DOCK1: variants seen among roughly 807,000 people sequenced by gnomAD.
The protein encoded by DOCK1 is dedicator of cytokinesis 1, also known as dedicator of cytokinesis protein 1.
DOCK1 carries 138 observed loss-of-function variants against 262.7 expected under a neutral mutation model. The ratio of observed to expected loss-of-function variants is 0.53; its 90% CI spans 0.46 to 0.61. The LOEUF (loss-of-function observed/expected upper bound fraction) is 0.61. Among genes scored for constraint, DOCK1 ranks in the 20% least tolerant of loss-of-function variants. The pLI, the probability that DOCK1 is intolerant of heterozygous loss-of-function variation, is 0.00. For synonymous variants in DOCK1, 866 were observed against 867.4 expected (o/e 1.00, Z 0.03); for missense variants, 1,908 against 2,370.7 (o/e 0.80, Z 4.05).
chr10:127,292,382 CCT>C (rs1433758773), intron 29 of DOCK1, among the ~76,000 whole-genome samples: 2 of 152,100 alleles, frequency 1.3e-5, no homozygotes, highest in Admixed American at 1.3e-4. Flanking sequence ...CCACTGGCCA[CCT>C]CTGCTGCAAA....
chr10:127,034,652 G>A lies in DOCK1; in HGVS notation c.1912+2332G>A, dbSNP rs74161529. On this transcript the variant is annotated intron_variant, in intron 18 of 51. Coordinates refer to ENST00000623213, the MANE Select transcript of DOCK1 (RefSeq NM_001290223.2). Reference sequence around the variant, plus strand: ...TTTAACCCAAAGGTGACATCTCCAGGTGGGCCACACTTTAGCATTTCAGTA... The same window carrying A: ...TTTAACCCAAAGGTGACATCTCCAGATGGGCCACACTTTAGCATTTCAGTA... Among the ~76,000 whole-genome samples the A allele has an allele frequency of 7.7e-3, 1,169 of 152,270 alleles. 21 individuals carry two copies. The highest frequency in any genetic ancestry group is 0.026 in the African/African-American group (1,090 of 41,560).
intron 31 of DOCK1, among the ~76,000 whole-genome samples, chr10:127,348,689 G>A (rs919201481): frequency 6.6e-6 from 1 of 152,142 alleles, no homozygotes; most frequent in Non-Finnish European, 1.5e-5. Flanking sequence ...GAAGTCTGCA[G>A]TGTTCTAAGA....
intron 35 of DOCK1, among the ~76,000 whole-genome samples, chr10:127,379,769 A>G (rs1449781345): frequency 6.6e-6 from 1 of 152,214 alleles, no homozygotes; most frequent in Non-Finnish European, 1.5e-5. Flanking sequence ...TATGGCTAAG[A>G]TATCATGTCT....
intron 27 of DOCK1, among the ~76,000 whole-genome samples, chr10:127,147,852 G>A (rs187371263): frequency 1.3e-4 from 20 of 151,730 alleles, no homozygotes; most frequent in Admixed American, 4.6e-4. Flanking sequence ...CCAATATGGT[G>A]AAACCCCATC....
chr10:127,447,320 C>T (rs184492150), intron 50 of DOCK1, 74 bp from the exon 51 acceptor site: 57 of 1,552,490 alleles, frequency 3.7e-5, no homozygotes, highest in Middle Eastern at 1.7e-4. Flanking sequence ...TGGGAGGGAA[C>T]GTGGAGCAGC....
At chr10:126,931,149 C>T (rs1198079200) in intron 1 of DOCK1, among the ~76,000 whole-genome samples, 1 of 151,972 alleles carries the variant, frequency 6.6e-6, no homozygotes, top group Admixed American at 6.6e-5. Context: ...AAGATCTGGG[C>T]AGTATAATCC....
At chr10:127,102,647 C>A (rs535405852) in intron 23 of DOCK1, among the ~76,000 whole-genome samples, 40 of 152,302 alleles carry the variant, frequency 2.6e-4, no homozygotes, top group African/African-American at 9.4e-4. Context: ...GTTGACCAGC[C>A]TGGCCAACAT....
intron 27 of DOCK1, among the ~76,000 whole-genome samples, chr10:127,220,706 C>G (rs575516456): frequency 1.1e-3 from 165 of 152,000 alleles, no homozygotes; most frequent in Middle Eastern, 3.4e-3. Flanking sequence ...GTGGAGATTA[C>G]AAGAATTACA....
chr10:127,329,294 C>T (rs879798057), intron 29 of DOCK1, among the ~76,000 whole-genome samples: 22 of 152,304 alleles, frequency 1.4e-4, no homozygotes, highest in Middle Eastern at 3.4e-3. Context: ...CCATGGCTGT[C>T]CTTCACTCAC....
intron 1 of DOCK1, among the ~76,000 whole-genome samples, chr10:126,918,082 A>G (rs2032716621): frequency 6.6e-6 from 1 of 152,152 alleles, no homozygotes; most frequent in Non-Finnish European, 1.5e-5. Flanking sequence ...GGTCCCTGTG[A>G]ATATTAAGTG....
intron 28 of DOCK1, among the ~76,000 whole-genome samples, chr10:127,250,791 C>CAAAAAAAAA (rs1180814401): frequency 1.7e-4 from 11 of 64,068 alleles, no homozygotes; most frequent in African/African-American, 2.1e-4. Flanking sequence ...GACTCCGTCT[C>CAAAAAAAAA]AAAAAAAAAA....
At chr10:127,037,285 G>A (rs929491982) in intron 18 of DOCK1, among the ~76,000 whole-genome samples, 1 of 152,028 alleles carries the variant, frequency 6.6e-6, no homozygotes, top group African/African-American at 2.4e-5. Context: ...TTTAATTTGT[G>A]TTAGTTATTT....
intron 1 of DOCK1, among the ~76,000 whole-genome samples, chr10:126,915,084 T>C (rs181745423): frequency 7.9e-5 from 12 of 152,274 alleles, no homozygotes; most frequent in African/African-American, 2.6e-4. Context: ...GTAATCTGAC[T>C]GTGTGCCTCG....
chr10:127,417,579 G>A (rs1464716555), intron 44 of DOCK1, among the ~76,000 whole-genome samples: 1 of 152,108 alleles, frequency 6.6e-6, no homozygotes, highest in African/African-American at 2.4e-5. Flanking sequence ...AGCTCTCTTT[G>A]TTGTTGTTTG....
chr10:127,148,444 A>G (rs966748356), intron 27 of DOCK1, among the ~76,000 whole-genome samples: 8 of 152,216 alleles, frequency 5.3e-5, no homozygotes, highest in African/African-American at 1.9e-4. Context: ...TTCATCTCCA[A>G]AAGCCCTTGG....
intron 27 of DOCK1, among the ~76,000 whole-genome samples, chr10:127,183,829 T>G (rs1281676560): frequency 6.6e-6 from 1 of 152,224 alleles, no homozygotes; most frequent in Non-Finnish European, 1.5e-5. Flanking sequence ...AAAATCTACC[T>G]CTTATCAATC....
At position 127,043,153 on chromosome 10, in the gene DOCK1, G is replaced by C. The variant is rs781005154; in HGVS notation, c.2190G>C (p.Thr730=). Residue 730 remains threonine (T), a synonymous_variant, in exon 21 of 52, where the codon ACG becomes ACC. Coordinates refer to ENST00000623213, the MANE Select transcript of DOCK1 (RefSeq NM_001290223.2). ...ACATTAAGAAACACTTTAGTGCAAC[G>C]TTAGCCTACACGTAAGTTCCTACTT... ...ETYIKKHFSA[T]LAYTKLTKVL... 6.2e-7 allele frequency: 1 copy of C among 1,607,530 alleles called. No individual in the cohort carries two copies. Among genetic ancestry groups the C allele is most frequent in the Non-Finnish European group, 8.5e-7 (1 of 1,176,668 alleles).
rs60174093 is a variant in DOCK1, at chr10:127,361,280, AT to A, written c.3284-777del. 7.4e-3 allele frequency among the ~76,000 whole-genome samples: 1,120 copies of A among 151,520 alleles called. 14 individuals are homozygous for A. Among genetic ancestry groups the A allele is most frequent in the African/African-American group, 0.026 (1,068 of 41,292 alleles). ...AGGCGCCCGCTACCACGCCCAGCTGATTTTTTTGTATTTTTAGTAGAGACGG... is the reference window on the plus strand; with the variant it reads ...AGGCGCCCGCTACCACGCCCAGCTGATTTTTTGTATTTTTAGTAGAGACGG... On this transcript the variant is annotated intron_variant, in intron 32 of 51. Coordinates refer to ENST00000623213, the MANE Select transcript of DOCK1 (RefSeq NM_001290223.2).
At chr10:127,364,718 C>T (rs993233960) in intron 33 of DOCK1, among the ~76,000 whole-genome samples, 2 of 152,054 alleles carry the variant, frequency 1.3e-5, no homozygotes, top group African/African-American at 2.4e-5. Context: ...TTATTCCAAC[C>T]GTGGACAGTA....
Sources: gnomAD v4.1 joint callset for allele counts (sites outside exome capture counted in the v4.1 genomes callset) on GRCh38, gnomAD v4.1.1 for gene constraint, MANE v1.5 for transcripts, NCBI Gene and HGNC (gene_info 2026-07-23, HGNC 2026-07-21) for gene names.